The following NAALADL2 variants were observed in gnomAD, a reference collection of about 807,000 sequenced individuals.
NAALADL2 encodes the protein N-acetylated alpha-linked acidic dipeptidase like 2, also known as inactive N-acetylated-alpha-linked acidic dipeptidase-like protein 2.
NAALADL2 carries 76 observed loss-of-function variants against 87.2 expected under a neutral mutation model. That is an observed-to-expected ratio of 0.87 (90% CI 0.72 to 1.05). NAALADL2 has a LOEUF of 1.05. NAALADL2 is among the 50% of genes least tolerant of loss of function. NAALADL2 has a pLI of 0.00. For synonymous variants in NAALADL2, 354 were observed against 331.0 expected, an observed-to-expected ratio of 1.07 and a Z score of -0.75; for missense variants, 1,089 against 945.8, an observed-to-expected ratio of 1.15 and a Z score of -1.99.
chr3:175,212,517 A>G (rs1741907226), intron 2 of NAALADL2, among the ~76,000 whole-genome samples: 1 of 152,078 alleles, frequency 6.6e-6, no homozygotes, highest in African/African-American at 2.4e-5. Context: ...ACACATCAGG[A>G]ATCAGGAAAG....
intron 9 of NAALADL2, among the ~76,000 whole-genome samples, chr3:175,478,451 A>G (rs916578416): frequency 1.3e-5 from 2 of 151,968 alleles, no homozygotes; most frequent in African/African-American, 2.4e-5. Context: ...TCTGTTCAGT[A>G]TATACTGACA....
chr3:175,224,871 C>T (rs1743931536), intron 2 of NAALADL2, among the ~76,000 whole-genome samples: 1 of 152,082 alleles, frequency 6.6e-6, no homozygotes, highest in Non-Finnish European at 1.5e-5. Flanking sequence ...TGTTTTCATA[C>T]TATCATTACT....
rs1338193934 is a variant in NAALADL2 at position 174,816,556 on chromosome 3, G to C, written c.-9+78810G>C. Among the ~76,000 whole-genome samples, 3 of 146,054 alleles carry C rather than the reference G, an allele frequency of 2.1e-5. No homozygotes were observed. The East Asian group carries it at 5.9e-4, about 29-fold the overall frequency. ...ATAATTTTTAATATATATAAATTAT[G>C]TTATGTAACATATATATAAATTATT... On this transcript the variant is annotated intron_variant, in intron 3 of 3. Transcript: ENST00000434257.
At chr3:174,496,655 T>C (rs1046109008) in intron 1 of NAALADL2, among the ~76,000 whole-genome samples, 6 of 151,910 alleles carry the variant, frequency 3.9e-5, no homozygotes, top group Non-Finnish European at 7.4e-5. Flanking sequence ...ATCTAAAGTT[T>C]CCATCTTACT....
At chr3:175,699,121 A>G (rs1352204085) in intron 11 of NAALADL2, among the ~76,000 whole-genome samples, 1 of 151,952 alleles carries the variant, frequency 6.6e-6, no homozygotes, top group African/African-American at 2.4e-5. Context: ...AAAGTAGGTT[A>G]TATAAAGGAA....
intron 3 of NAALADL2, among the ~76,000 whole-genome samples, chr3:174,739,079 A>C (rs1733503645): frequency 6.6e-6 from 1 of 152,196 alleles, no homozygotes; most frequent in African/African-American, 2.4e-5. Flanking sequence ...GAAAAAAATT[A>C]AATTGGTAGC....
At chr3:175,293,378 CAT>C (rs1755902440) in intron 4 of NAALADL2, among the ~76,000 whole-genome samples, 2 of 151,978 alleles carry the variant, frequency 1.3e-5, no homozygotes, top group Non-Finnish European at 2.9e-5. Context: ...GTTTAAATAA[CAT>C]ATAGAAAGCA....
chr3:174,803,873 C>A (rs1293667466), intron 3 of NAALADL2, among the ~76,000 whole-genome samples: 2 of 152,066 alleles, frequency 1.3e-5, no homozygotes, highest in Admixed American at 6.6e-5. Context: ...TTTACTGTAG[C>A]CTTGTAGTAT....
intron 4 of NAALADL2, among the ~76,000 whole-genome samples, chr3:175,283,772 A>T (rs1288390850): frequency 1.3e-5 from 2 of 151,446 alleles, no homozygotes; most frequent in Non-Finnish European, 3.0e-5. Context: ...TGTTTTTTAT[A>T]TATCCAGTGG....
intron 1 of NAALADL2, among the ~76,000 whole-genome samples, chr3:174,875,048 G>A (rs1328075768): frequency 7.0e-6 from 1 of 143,544 alleles, no homozygotes; most frequent in Admixed American, 7.5e-5. Flanking sequence ...AGGAGGTCAA[G>A]GCTGAAGTGA....
chr3:174,788,066 T>C (rs1717022212), intron 3 of NAALADL2, among the ~76,000 whole-genome samples: 1 of 152,118 alleles, frequency 6.6e-6, no homozygotes, highest in South Asian at 2.1e-4. Context: ...ATCCTTGATG[T>C]TCTCTAGAGA....
At chr3:175,765,171 A>G (rs550817378) in intron 13 of NAALADL2, among the ~76,000 whole-genome samples, 26 of 152,294 alleles carry the variant, frequency 1.7e-4, no homozygotes, top group Middle Eastern at 3.4e-3. Context: ...TTTATAATCT[A>G]TACAATGACA....
At chr3:174,734,735 C>A (rs1733026115) in intron 2 of NAALADL2, among the ~76,000 whole-genome samples, 2 of 152,134 alleles carry the variant, frequency 1.3e-5, no homozygotes, top group East Asian at 1.9e-4. Flanking sequence ...ATTTAGATAG[C>A]ACTTCTAAAT....
chr3:174,654,312 C>A (rs746796633), intron 2 of NAALADL2, among the ~76,000 whole-genome samples: 16 of 152,014 alleles, frequency 1.1e-4, no homozygotes, highest in Non-Finnish European at 2.2e-4. Context: ...TGACATTTGA[C>A]TTTTCAAAGC....
chr3:175,642,761 A>G (rs1729476407), intron 11 of NAALADL2, among the ~76,000 whole-genome samples: 1 of 152,084 alleles, frequency 6.6e-6, no homozygotes, highest in Non-Finnish European at 1.5e-5. Context: ...CGGCTTCCCA[A>G]AGTGCTGGGA....
chr3:174,643,300 A>G (rs540017660), intron 2 of NAALADL2, among the ~76,000 whole-genome samples: 1 of 152,290 alleles, frequency 6.6e-6, no homozygotes, highest in African/African-American at 2.4e-5. Context: ...AGATAATCAT[A>G]GATCATGGTT....
intron 1 of NAALADL2, among the ~76,000 whole-genome samples, chr3:174,450,898 GAA>G (rs1227131524): frequency 3.0e-5 from 4 of 131,794 alleles, no homozygotes; most frequent in Non-Finnish European, 6.6e-5. Context: ...AAAAAAGAAA[GAA>G]AGAAAAAGAC....
intron 9 of NAALADL2, among the ~76,000 whole-genome samples, chr3:175,482,889 C>T (rs994666965): frequency 6.6e-6 from 1 of 151,754 alleles, no homozygotes; most frequent in Admixed American, 6.6e-5. Context: ...AAACTTTTTA[C>T]TAGATGTGGG....
intron 10 of NAALADL2, among the ~76,000 whole-genome samples, chr3:175,593,558 C>A (rs919417714): frequency 1.3e-5 from 2 of 152,210 alleles, no homozygotes; most frequent in African/African-American, 4.8e-5. Flanking sequence ...GACTAAAATT[C>A]CAATATCAAG....
Sources: allele counts gnomAD v4.1 joint callset (sites outside exome capture counted in the v4.1 genomes callset), GRCh38; gene constraint gnomAD v4.1.1; transcripts MANE v1.5; gene names NCBI Gene and HGNC (gene_info 2026-07-23, HGNC 2026-07-21).